MACROD2: variants seen among roughly 807,000 people sequenced by gnomAD.
MACROD2 encodes ADP-ribose glycohydrolase MACROD2.
A neutral mutation model predicts 70.4 loss-of-function variants in MACROD2; 36 were observed. That is an observed-to-expected ratio of 0.51 (90% CI 0.39 to 0.68). The LOEUF (loss-of-function observed/expected upper bound fraction) is 0.68. Among genes scored for constraint, MACROD2 ranks in the 30% least tolerant of loss-of-function variants. The pLI, the probability that MACROD2 is intolerant of heterozygous loss-of-function variation, is 0.00. For synonymous variants in MACROD2, 172 were observed against 178.8 expected (o/e 0.96, Z 0.30); for missense variants, 496 against 538.4 (o/e 0.92, Z 0.78).
intron 3 of MACROD2, chr20:14,127,743 AT>A (rs1325040083): frequency 2.3e-6 from 1 of 426,342 alleles, no homozygotes; most frequent in Non-Finnish European, 4.5e-6. Flanking sequence ...ATCTTCTGGT[AT>A]CAAAGAACAG....
intron 8 of MACROD2, among the ~76,000 whole-genome samples, chr20:15,697,634 C>G (rs1256697940): frequency 6.6e-6 from 1 of 152,154 alleles, no homozygotes; most frequent in Non-Finnish European, 1.5e-5. Context: ...GATGATCTGT[C>G]TAGTGCTGTC....
At chr20:14,127,370 T>C (rs1202166758) in intron 3 of MACROD2, 4 of 368,370 alleles carry the variant, frequency 1.1e-5, no homozygotes, top group African/African-American at 6.5e-5. Flanking sequence ...TGCTTCTTGC[T>C]GAGGCTGCCT....
chr20:14,830,485 T>C (rs1402695015), intron 5 of MACROD2, among the ~76,000 whole-genome samples: 1 of 152,164 alleles, frequency 6.6e-6, no homozygotes, highest in Non-Finnish European at 1.5e-5. Flanking sequence ...TTTTACTTAT[T>C]GGAAAGAGTA....
intron 5 of MACROD2, among the ~76,000 whole-genome samples, chr20:14,801,193 C>A (rs1206152327): frequency 1.3e-5 from 2 of 152,198 alleles, no homozygotes; most frequent in African/African-American, 4.8e-5. Flanking sequence ...TGAGATCATG[C>A]TTTATAGCAG....
chr20:14,768,064 G>A (rs1258078491), intron 5 of MACROD2, among the ~76,000 whole-genome samples: 1 of 152,082 alleles, frequency 6.6e-6, no homozygotes, highest in African/African-American at 2.4e-5. Flanking sequence ...TTGGTTCCAA[G>A]TCTTTGCTAT....
intron 4 of MACROD2, among the ~76,000 whole-genome samples, chr20:14,592,581 G>A (rs1260844919): frequency 6.6e-6 from 1 of 152,024 alleles, no homozygotes; most frequent in Admixed American, 6.6e-5. Context: ...AGGCCACCAT[G>A]ACTGGCTAAC....
At chr20:15,820,407 G>A (rs1019011468) in intron 8 of MACROD2, among the ~76,000 whole-genome samples, 4 of 152,088 alleles carry the variant, frequency 2.6e-5, no homozygotes, top group Admixed American at 6.6e-5. Flanking sequence ...GCCTAGGCTG[G>A]TCTCGAACTC....
intron 3 of MACROD2, among the ~76,000 whole-genome samples, chr20:14,121,058 TG>T (rs2054582881): frequency 6.6e-6 from 1 of 152,106 alleles, no homozygotes; most frequent in Non-Finnish European, 1.5e-5. Context: ...ATTTTTATAA[TG>T]TAAGTGTGTG....
chr20:15,365,439 G>A (rs928014604), intron 6 of MACROD2, among the ~76,000 whole-genome samples: 1 of 152,106 alleles, frequency 6.6e-6, no homozygotes, highest in Non-Finnish European at 1.5e-5. Context: ...GCCAAGGCGG[G>A]TGGATCACGA....
intron 8 of MACROD2, among the ~76,000 whole-genome samples, chr20:15,726,955 T>C (rs2146943874): frequency 6.6e-6 from 1 of 152,314 alleles, no homozygotes. Context: ...TTGTCAACTT[T>C]TGTTTTTGTT....
At chr20:14,474,675 A>G (rs2084569328) in intron 3 of MACROD2, among the ~76,000 whole-genome samples, 2 of 152,118 alleles carry the variant, frequency 1.3e-5, no homozygotes, top group African/African-American at 4.8e-5. Context: ...ATACATATTT[A>G]CAATTTTATT....
At chr20:14,391,137 A>C (rs1191967925) in intron 3 of MACROD2, among the ~76,000 whole-genome samples, 1 of 152,174 alleles carries the variant, frequency 6.6e-6, no homozygotes, top group African/African-American at 2.4e-5. Flanking sequence ...TACTCCCCAA[A>C]ATATCAGTTG....
chr20:14,348,273 A>AC (rs1459876939), intron 3 of MACROD2, among the ~76,000 whole-genome samples: 4 of 135,888 alleles, frequency 2.9e-5, no homozygotes, highest in African/African-American at 8.6e-5. Flanking sequence ...CGTCTCAAAA[A>AC]AAAAAAAATA....
At chr20:14,332,869 T>C (rs1250346286) in intron 3 of MACROD2, among the ~76,000 whole-genome samples, 1 of 152,118 alleles carries the variant, frequency 6.6e-6, no homozygotes, top group Non-Finnish European at 1.5e-5. Flanking sequence ...CTTAAATTGC[T>C]GCCAAAAAAG....
intron 8 of MACROD2, among the ~76,000 whole-genome samples, chr20:15,845,760 A>G (rs1350631278): frequency 6.6e-6 from 1 of 152,214 alleles, no homozygotes; most frequent in Non-Finnish European, 1.5e-5. Context: ...ATTACTTCAC[A>G]CACATCATTT....
intron 8 of MACROD2, among the ~76,000 whole-genome samples, chr20:15,601,745 G>A (rs1210636678): frequency 6.6e-6 from 1 of 152,144 alleles, no homozygotes; most frequent in African/African-American, 2.4e-5. Flanking sequence ...AAGTGAACTT[G>A]AGGCCAGGTG....
At chr20:14,389,592 A>G (rs1211730133) in intron 3 of MACROD2, among the ~76,000 whole-genome samples, 1 of 152,140 alleles carries the variant, frequency 6.6e-6, no homozygotes, top group East Asian at 1.9e-4. Context: ...GTAACATTTG[A>G]GCTCAATGCA....
In MACROD2 at chr20:15,333,700, G is replaced by A. The variant is rs190718565; in HGVS notation, c.541-97705G>A. 3.5e-3 allele frequency among the ~76,000 whole-genome samples: 533 copies of A among 151,606 alleles called. 4 individuals carry two copies. The highest frequency in any genetic ancestry group is 4.9e-3 in the Non-Finnish European group (331 of 67,976). The stretch of plus-strand genomic sequence containing the variant: ...ATAAAACAACAGTAATTTCCTCAAA[G>A]GCGTGTTAGGAGGTTCAATTAGTTA... On this transcript the variant is annotated intron_variant, in intron 6 of 17. Coordinates refer to ENST00000684519, the MANE Select transcript of MACROD2 (RefSeq NM_001351661.2).
At chr20:15,067,087 C>G (rs376581995) in intron 5 of MACROD2, among the ~76,000 whole-genome samples, 2 of 152,072 alleles carry the variant, frequency 1.3e-5, no homozygotes, top group Non-Finnish European at 2.9e-5. Context: ...ATTTTATCTT[C>G]TAAGAGTCAG....
Sources: gnomAD v4.1 joint callset for allele counts (sites outside exome capture counted in the v4.1 genomes callset) on GRCh38, gnomAD v4.1.1 for gene constraint, MANE v1.5 for transcripts, NCBI Gene and HGNC (gene_info 2026-07-23, HGNC 2026-07-21) for gene names.